PNPLA2: variants seen among roughly 807,000 people sequenced by gnomAD.
PNPLA2 encodes patatin like domain 2, triacylglycerol lipase, also known as patatin-like phospholipase domain-containing protein 2.
Under a neutral mutation model 39.7 loss-of-function variants are expected in PNPLA2, and 28 were observed. The observed-to-expected ratio is 0.70, with a 90% CI of 0.52 to 0.97. The LOEUF is 0.97. Among genes scored for constraint, PNPLA2 ranks in the 50% least tolerant of loss-of-function variants. The pLI, the probability that PNPLA2 is intolerant of heterozygous loss-of-function variation, is 0.00. For missense variants in PNPLA2, 768 were observed against 698.2 expected (o/e 1.10, Z -1.13); for synonymous variants, 392 against 321.1 (o/e 1.22, Z -2.36).
Position 823,806 on chromosome 11 carries a change from G to C in PNPLA2, c.870G>C (p.Leu290=). ...ESAQAEDYSQ[L]PGEDHILEHL... is the part of the protein sequence containing the mutation. ...CCCAAGCGGAGGATTACTCGCAGCT[G>C]CCCGGAGAAGATCACATCCTGGAGC... The change falls in exon 7 of 10, where the codon CTG becomes CTC. Residue 290 remains leucine (L), a synonymous_variant. Coordinates refer to ENST00000336615, the MANE Select transcript of PNPLA2 (RefSeq NM_020376.4). 6.2e-7 allele frequency: 1 copy of C among 1,604,114 alleles called. No homozygotes were observed. The highest frequency in any genetic ancestry group is 8.5e-7 in the Non-Finnish European group (1 of 1,176,196).
intron 7 of PNPLA2, 64 bp downstream of exon 7, chr11:823,919 C>T (rs1160617386): frequency 2.6e-6 from 4 of 1,547,124 alleles, no homozygotes; most frequent in African/African-American, 2.7e-5. Context: ...GAGGAGAGGA[C>T]GGTGAGCAGG....
At chr11:824,473 G>A (rs1845804765) in intron 9 of PNPLA2, 37 bp downstream of exon 9, 1 of 1,546,934 alleles carries the variant, frequency 6.5e-7, no homozygotes, top group South Asian at 1.2e-5. Flanking sequence ...GGGGCCCGCG[G>A]TGCTAGCGCC....
In PNPLA2 at chr11:824,300, C is replaced by A; in HGVS notation, c.1053-14C>A. 1 of 1,550,328 alleles carries A rather than the reference C, an allele frequency of 6.5e-7. No homozygotes were observed. Among genetic ancestry groups the A allele is most frequent in the South Asian group, 1.2e-5 (1 of 84,022 alleles). The stretch of plus-strand genomic sequence containing the variant: ...TGGCCAAGTCCCTGAACGCGCCGCT[C>A]GCCCTGTCCCCAGCTTGCTGGAGTG... On this transcript the variant is annotated splice_polypyrimidine_tract_variant and intron_variant, in intron 8 of 9. Transcript: ENST00000336615.
chr11:825,018 C>T lies in PNPLA2; in HGVS notation c.*156C>T. On this transcript the variant is annotated 3_prime_UTR_variant, in exon 10 of 10. Transcript: ENST00000336615. ...GCACTGAGAGGGGAGGTTTCCACACCCCTCCCCTGGGCCGCTGAGGCCCCG... is the reference window on the plus strand; with the variant it reads ...GCACTGAGAGGGGAGGTTTCCACACTCCTCCCCTGGGCCGCTGAGGCCCCG... The T allele has an allele frequency of 1.4e-6, 1 of 714,150 alleles. No homozygotes were observed. The highest frequency in any genetic ancestry group is 2.3e-4 in the Middle Eastern group (1 of 4,274). 44.2% of individuals were successfully genotyped at this position (714,150 alleles called of 1,614,324 possible).
chr11:824,794 G>A lies in PNPLA2; in HGVS notation c.1447G>A (p.Gly483Arg), dbSNP rs557790601. Residue 483 changes from glycine to arginine, a missense_variant, in exon 10 of 10, where the codon GGG (glycine) becomes AGG (arginine). By Grantham distance (125) the Gly-to-Arg change is moderately radical. Coordinates refer to ENST00000336615, the MANE Select transcript of PNPLA2 (RefSeq NM_020376.4). Reference sequence around the variant, plus strand: ...AGCATCCCCGCAGCACCAGCTGGCCGGGCCTGCCCCCTTGCTGAGCACCCC... The same window carrying A: ...AGCATCCCCGCAGCACCAGCTGGCCAGGCCTGCCCCCTTGCTGAGCACCCC... ...DPASPQHQLA[G>R]PAPLLSTPAP... 1.5e-5 allele frequency: 23 copies of A among 1,532,656 alleles called. No homozygotes were observed. The highest frequency in any genetic ancestry group is 2.4e-5 in the East Asian group (1 of 40,848). 94.9% of individuals were successfully genotyped at this position (1,532,656 alleles called of 1,614,324 possible).
At chr11:819,971 C>A in intron 2 of PNPLA2, 66 bp downstream of exon 2, 2 of 1,211,422 alleles carry the variant, frequency 1.7e-6, no homozygotes, top group Non-Finnish European at 2.1e-6. Flanking sequence ...GGGGGATGGT[C>A]TCCGTGAGCG....
In PNPLA2 at chr11:824,081, A is replaced by G; in HGVS notation, c.1003A>G (p.Met335Val). The G allele has an allele frequency of 6.2e-7, 1 of 1,607,374 alleles. No homozygotes were observed. The highest frequency in any genetic ancestry group is 8.5e-7 in the Non-Finnish European group (1 of 1,178,096). ...MLPVRLATAM[M>V]VPYTLPLESA... ...GCCTGTGCGTCTGGCCACGGCCATGATGGTGCCCTACACGCTGCCGCTGGA... is the reference window on the plus strand; with the variant it reads ...GCCTGTGCGTCTGGCCACGGCCATGGTGGTGCCCTACACGCTGCCGCTGGA... The change falls in exon 8 of 10, where the codon ATG becomes GTG. Residue 335 changes from methionine to valine, a missense_variant. By Grantham distance (21) the Met-to-Val change is conservative. Coordinates refer to ENST00000336615, the MANE Select transcript of PNPLA2 (RefSeq NM_020376.4).
chr11:823,057 A>AT (rs1845723685), intron 5 of PNPLA2, among the ~76,000 whole-genome samples: 2 of 145,238 alleles, frequency 1.4e-5, no homozygotes, highest in African/African-American at 5.2e-5. Context: ...AAACTATTTT[A>AT]TTTTTTTATT....
intron 8 of PNPLA2, 74 bp from the exon 9 acceptor site, chr11:824,240 G>T: frequency 1.3e-6 from 2 of 1,548,316 alleles, no homozygotes; most frequent in Non-Finnish European, 8.7e-7. Flanking sequence ...CCAAGTCAGG[G>T]CACAGACAGG....
At position 825,249 on chromosome 11, in the gene PNPLA2, C is replaced by T. The variant is rs915930200; in HGVS notation, c.*387C>T. 2 of 315,320 alleles carry T rather than the reference C, an allele frequency of 6.3e-6. No individual in the cohort carries two copies. Among genetic ancestry groups the T allele is most frequent in the East Asian group, 1.1e-4 (1 of 9,272 alleles). The allele number at this position is 315,320 out of a possible 1,614,324, so 19.5% of individuals were successfully genotyped here. On this transcript the variant is annotated 3_prime_UTR_variant, in exon 10 of 10. Transcript: ENST00000336615. ...GCCCACTTTGTGTGTATGTGACCGCCTGCTTACTTGCAGTGAGAGCCTGGT... is the reference window on the plus strand; with the variant it reads ...GCCCACTTTGTGTGTATGTGACCGCTTGCTTACTTGCAGTGAGAGCCTGGT...
Position 824,630 on chromosome 11 carries a change from C to A in PNPLA2, c.1283C>A (p.Ser428Ter). ...ALPGWMRNNL[S>*]LGDALAKWEE... is the part of the protein sequence containing the mutation. ...CCCGGCTGGATGCGCAACAACCTCT[C>A]GCTGGGGGACGCGCTGGCCAAGTGG... Residue 428 changes from serine to a stop codon, truncating the protein, a stop_gained, in exon 10 of 10, where the codon TCG becomes TAG. Transcript: ENST00000336615. LOFTEE classifies it low-confidence loss of function (END_TRUNC). The A allele has an allele frequency of 6.3e-7, 1 of 1,595,938 alleles. No individual in the cohort carries two copies.
chr11:822,019 G>C lies in PNPLA2; in HGVS notation c.482G>C (p.Gly161Ala), dbSNP rs1360547279. ...YCGLIPPSLQ[G>A]VRYVDGGISD... ...GGGCTCATCCCTCCCTCCCTCCAGGGGGTGGTGAGTATTCCTAGCCCTGGA... is the reference window on the plus strand; with the variant it reads ...GGGCTCATCCCTCCCTCCCTCCAGGCGGTGGTGAGTATTCCTAGCCCTGGA... The change falls in exon 4 of 10, where the codon GGG becomes GCG. Residue 161 changes from glycine to alanine, a missense_variant. Physicochemically the swap from Gly to Ala is moderately conservative, Grantham distance 60 (BLOSUM62 0). Transcript: ENST00000336615. 3 of 1,613,750 alleles carry C rather than the reference G, an allele frequency of 1.9e-6. No homozygotes were observed. Among genetic ancestry groups the C allele is most frequent in the South Asian group, 1.1e-5 (1 of 91,086 alleles).
At chr11:822,780 T>A (rs1441484720) in intron 5 of PNPLA2, among the ~76,000 whole-genome samples, 174 bp downstream of exon 5, 2 of 151,414 alleles carry the variant, frequency 1.3e-5, no homozygotes, top group Non-Finnish European at 2.9e-5. Context: ...AACCTCTCTG[T>A]CTAGCTGCTC....
chr11:822,810 G>GTC lies in PNPLA2; in HGVS notation c.696+214_696+215dup, dbSNP rs200940177. Among the ~76,000 whole-genome samples the GTC allele has an allele frequency of 0.039, 5,633 of 143,162 alleles. 503 individuals are homozygous for GTC. Among genetic ancestry groups the GTC allele is most frequent in the African/African-American group, 0.088 (3,466 of 39,338 alleles). 93.9% of individuals were successfully genotyped at this position (143,162 alleles called of 152,430 possible). On this transcript the variant is annotated intron_variant, in intron 5 of 9. Transcript: ENST00000336615. ...CTGCTCTGTCCAGGCTCCCTGTCCA[G>GTC]TCTCTCTCTCTTTTTTTTTTTTTTT...
chr11:824,241 C>T, intron 8 of PNPLA2, 73 bp from the exon 9 acceptor site: 5 of 1,548,496 alleles, frequency 3.2e-6, no homozygotes, highest in Non-Finnish European at 4.4e-6. Context: ...CAAGTCAGGG[C>T]ACAGACAGGG....
chr11:823,470 AG>A, intron 5 of PNPLA2, 56 bp from the exon 6 acceptor site: 1 of 1,511,050 alleles, frequency 6.6e-7, no homozygotes, highest in East Asian at 2.4e-5. Flanking sequence ...CAGGGATTCC[AG>A]GGGCAGAACG....
chr11:819,762 G>T lies in PNPLA2; in HGVS notation c.44G>T (p.Cys15Phe). 1 of 1,514,342 alleles carries T rather than the reference G, an allele frequency of 6.6e-7. No homozygotes were observed. Among genetic ancestry groups the T allele is most frequent in the Non-Finnish European group, 8.8e-7 (1 of 1,131,914 alleles). The allele number at this position is 1,514,342 out of a possible 1,614,324, so 93.8% of individuals were successfully genotyped here. A position where few individuals can be genotyped will look rare whatever the true frequency, so the allele number is the denominator to read the frequency against. Residue 15 changes from cysteine (C) to phenylalanine (F), a missense_variant, in exon 2 of 10, where the codon TGC (cysteine) becomes TTC (phenylalanine). Physicochemically the swap from Cys to Phe is radical, Grantham distance 205. Coordinates refer to ENST00000336615, the MANE Select transcript of PNPLA2 (RefSeq NM_020376.4). ...ACGTGGAACATCTCGTTCGCGGGCT[G>T]CGGCTTCCTCGGCGTCTACTACGTC... ...EKTWNISFAG[C>F]GFLGVYYVGV...
intron 5 of PNPLA2, among the ~76,000 whole-genome samples, chr11:822,820 CTTTTT>C (rs528124756): frequency 3.0e-5 from 4 of 131,478 alleles, no homozygotes; most frequent in African/African-American, 1.1e-4. Context: ...GTCTCTCTCT[CTTTTT>C]TTTTTTTTTT....
intron 2 of PNPLA2, among the ~76,000 whole-genome samples, chr11:820,302 G>A (rs1362460047): frequency 1.3e-5 from 2 of 152,240 alleles, no homozygotes; most frequent in East Asian, 3.8e-4. Context: ...CGCAGTTGCA[G>A]GCTGCTATCA....
Sources: allele counts gnomAD v4.1 joint callset (sites outside exome capture counted in the v4.1 genomes callset), GRCh38; gene constraint gnomAD v4.1.1; transcripts MANE v1.5; gene names NCBI Gene and HGNC (gene_info 2026-07-23, HGNC 2026-07-21).